ZNF888: variants seen among roughly 807,000 people sequenced by gnomAD.
ZNF888 encodes the protein zinc finger protein 888.
ZNF888 carries 5 observed loss-of-function variants against 7.2 expected under a neutral mutation model. The ratio of observed to expected loss-of-function variants is 0.70; its 90% CI spans 0.36 to 1.46. ZNF888 has a LOEUF of 1.46. ZNF888 is among the 40% of genes most tolerant of loss of function. The pLI is 0.03. For synonymous variants in ZNF888, 240 were observed against 284.3 expected, an observed-to-expected ratio of 0.84 and a Z score of 1.57; for missense variants, 716 against 858.0, an observed-to-expected ratio of 0.83 and a Z score of 2.07.
rs1407109614 is a variant in ZNF888, at chr19:52,919,319, C to T, written c.-177-382G>A. Among the ~76,000 whole-genome samples the T allele has an allele frequency of 9.5e-5, 6 of 63,260 alleles. 2 individuals are homozygous for T. The highest frequency in any genetic ancestry group is 3.0e-4 in the African/African-American group (6 of 20,292). The allele number at this position is 63,260 out of a possible 152,430, so 41.5% of individuals were successfully genotyped here. On this transcript the variant is annotated intron_variant, in intron 1 of 4. Transcript: ENST00000638862. Reference sequence around the variant, plus strand: ...AGCGCCTGCGATTGCGGGCGCGCGCCGCCACGCCTGACTGGTTTTCATGTT... The same window carrying T: ...AGCGCCTGCGATTGCGGGCGCGCGCTGCCACGCCTGACTGGTTTTCATGTT...
Position 52,905,760 on chromosome 19 carries a change from C to A in ZNF888, c.*405G>T. On this transcript the variant is annotated 3_prime_UTR_variant, in exon 5 of 5. Coordinates refer to ENST00000638862, the MANE Select transcript of ZNF888 (RefSeq NM_001393938.1). ...TACTCATTGCATTCGGAACTATTAT[C>A]TCAAAAATAAATTTTCTGATATTCT... 1 of 547,492 alleles carries A rather than the reference C, an allele frequency of 1.8e-6. No individual in the cohort carries two copies. 33.9% of individuals were successfully genotyped at this position (547,492 alleles called of 1,614,324 possible). A position where few individuals can be genotyped will look rare whatever the true frequency, so the allele number is the denominator to read the frequency against.
chr19:52,918,144 G>T, intron 2 of ZNF888: 1 of 1,369,114 alleles, frequency 7.3e-7, no homozygotes, highest in Non-Finnish European at 9.4e-7. Flanking sequence ...CAGCAGTAGG[G>T]ATCTGGGCTG....
intron 1 of ZNF888, among the ~76,000 whole-genome samples, chr19:52,922,335 C>T (rs1418468218): frequency 6.6e-6 from 1 of 151,848 alleles, no homozygotes; most frequent in African/African-American, 2.4e-5. Context: ...TCTCTGGCAC[C>T]CCAGATTTCC....
intron 3 of ZNF888, 24 bp downstream of exon 3, chr19:52,917,835 A>T: frequency 6.2e-7 from 1 of 1,613,542 alleles, no homozygotes; most frequent in South Asian, 1.1e-5. Context: ...GAGACAGAAC[A>T]ATCCACAGAG....
chr19:52,916,203 G>C (rs1227815138), intron 3 of ZNF888, among the ~76,000 whole-genome samples: 1 of 152,240 alleles, frequency 6.6e-6, no homozygotes, highest in Non-Finnish European at 1.5e-5. Context: ...CAATTACTTT[G>C]AAGGCTGAGG....
intron 3 of ZNF888, chr19:52,917,451 G>A: frequency 2.1e-6 from 1 of 486,372 alleles, no homozygotes; most frequent in Non-Finnish European, 3.7e-6. Context: ...CCTCTTATCG[G>A]TCTTTTCTAG....
At chr19:52,910,878 C>G (rs2064669975) in intron 4 of ZNF888, among the ~76,000 whole-genome samples, 1 of 152,064 alleles carries the variant, frequency 6.6e-6, no homozygotes, top group Non-Finnish European at 1.5e-5. Flanking sequence ...ATTCTCCTAC[C>G]TCAAGTGATT....
At chr19:52,922,220 T>A (rs895086136) in intron 1 of ZNF888, among the ~76,000 whole-genome samples, 4 of 150,918 alleles carry the variant, frequency 2.7e-5, no homozygotes, top group Admixed American at 6.6e-5. Context: ...TTTTCCCCAA[T>A]CTTTAGATTG....
chr19:52,915,194 A>G lies in ZNF888; in HGVS notation c.142+2T>C. 4.5e-6 allele frequency: 7 copies of G among 1,571,336 alleles called. No individual in the cohort carries two copies. The highest frequency in any genetic ancestry group is 5.1e-6 in the Non-Finnish European group (6 of 1,166,566). Reference sequence around the variant, plus strand: ...CATCCCCAGGAAGGAAGTTATCCTCACCCAGGGAGACCAGGTTCCTATAAT... The same window carrying G: ...CATCCCCAGGAAGGAAGTTATCCTCGCCCAGGGAGACCAGGTTCCTATAAT... On this transcript the variant is annotated splice_donor_variant, in intron 4 of 4. Coordinates refer to ENST00000638862, the MANE Select transcript of ZNF888 (RefSeq NM_001393938.1). LOFTEE classifies it high-confidence loss of function.
At chr19:52,912,328 T>A (rs1414333263) in intron 4 of ZNF888, among the ~76,000 whole-genome samples, 1 of 149,374 alleles carries the variant, frequency 6.7e-6, no homozygotes, top group African/African-American at 2.5e-5. Flanking sequence ...TTAGCCAGGA[T>A]GGCCTCTATC....
rs568725417 is a variant in ZNF888, at chr19:52,912,644, C to T, written c.142+2552G>A. The stretch of plus-strand genomic sequence containing the variant: ...ACTTGAGAGGCTGAGACAGGAGAAT[C>T]GCTTGAACCTGGGAGGTGGAGGTTG... On this transcript the variant is annotated intron_variant, in intron 4 of 4. Coordinates refer to ENST00000638862, the MANE Select transcript of ZNF888 (RefSeq NM_001393938.1). Among the ~76,000 whole-genome samples, 7 of 150,894 alleles carry T rather than the reference C, an allele frequency of 4.6e-5. No homozygotes were observed. The East Asian group carries it at 1.2e-3, about 26-fold the overall frequency.
chr19:52,923,224 C>T (rs772362321), intron 1 of ZNF888, 145 bp downstream of exon 1: 171 of 918,556 alleles, frequency 1.9e-4, no homozygotes, highest in Non-Finnish European at 2.2e-4. Flanking sequence ...AAGTGACTTC[C>T]GGACTCCTAG....
rs2064616029 is a variant in ZNF888 at position 52,906,902 on chromosome 19, C to T, written c.1420G>A (p.Val474Ile). Residue 474 changes from valine (V) to isoleucine (I), a missense_variant, in exon 5 of 5, where the codon GTT becomes ATT. By Grantham distance (29) the Val-to-Ile change is conservative (BLOSUM62 3). This residue lies in a region of ZNF888 where 697 missense variants were observed against 803.4 expected (regional missense o/e 0.87). Coordinates refer to ENST00000638862, the MANE Select transcript of ZNF888 (RefSeq NM_001393938.1). ...TCAAGGTGTGATTTGCGACTGAAAACTTTGTCACATTCTTTACATTTGTAA... is the reference window on the plus strand; with the variant it reads ...TCAAGGTGTGATTTGCGACTGAAAATTTTGTCACATTCTTTACATTTGTAA... ...KPYKCKECDK[V>I]FSRKSHLERH... The T allele has an allele frequency of 6.2e-7, 1 of 1,611,506 alleles. No individual in the cohort carries two copies. The highest frequency in any genetic ancestry group is 1.4e-5 in the African/African-American group (1 of 74,028).
At chr19:52,916,490 A>G (rs2064749396) in intron 3 of ZNF888, among the ~76,000 whole-genome samples, 3 of 151,498 alleles carry the variant, frequency 2.0e-5, no homozygotes, top group South Asian at 2.1e-4. Flanking sequence ...GTGTGTACAT[A>G]TATATGTGTA....
At chr19:52,913,458 GGGAT>G (rs1400714179) in intron 4 of ZNF888, among the ~76,000 whole-genome samples, 1 of 151,030 alleles carries the variant, frequency 6.6e-6, no homozygotes, top group African/African-American at 2.4e-5. Context: ...CTGAGTAGCT[GGGAT>G]TACAGCTGCC....
chr19:52,917,395 A>G (rs1458306593), intron 3 of ZNF888: 1 of 348,036 alleles, frequency 2.9e-6, no homozygotes, highest in Non-Finnish European at 5.3e-6. Flanking sequence ...GGTCAGACTC[A>G]CTCAATTACC....
chr19:52,907,444 G>A lies in ZNF888; in HGVS notation c.878C>T (p.Thr293Ile), dbSNP rs1351297594. 2 of 1,610,030 alleles carry A rather than the reference G, an allele frequency of 1.2e-6. No homozygotes were observed. The highest frequency in any genetic ancestry group is 2.7e-5 in the African/African-American group (2 of 74,736). ...AYLARHYRRH[T>I]GEKPYKCNEC... ...ATTACACTTGTAAGGTTTTTCTCCA[G>A]TATGACGTCTATAATGACGTGCAAG... Residue 293 changes from threonine to isoleucine, a missense_variant, in exon 5 of 5, where the codon ACT becomes ATT. Transcript: ENST00000638862.
At chr19:52,911,052 T>C in intron 4 of ZNF888, among the ~76,000 whole-genome samples, 1 of 152,170 alleles carries the variant, frequency 6.6e-6, no homozygotes, top group East Asian at 1.9e-4. Context: ...CTAATTTTTG[T>C]ACTTTTAGTA....
intron 1 of ZNF888, among the ~76,000 whole-genome samples, chr19:52,921,912 A>G (rs1415155889): frequency 6.6e-6 from 1 of 152,202 alleles, no homozygotes; most frequent in East Asian, 1.9e-4. Flanking sequence ...CTGGGCAACA[A>G]GAGCAAAACT....
Sources: allele counts gnomAD v4.1 joint callset (sites outside exome capture counted in the v4.1 genomes callset), GRCh38; gene constraint gnomAD v4.1.1; regional missense constraint gnomAD v4.1.1; transcripts MANE v1.5; gene names NCBI Gene and HGNC (gene_info 2026-07-23, HGNC 2026-07-21).